Variants in VSTM2B observed in about 807,000 individuals in gnomAD.
VSTM2B encodes the protein V-set and transmembrane domain-containing protein 2B.
Under a neutral mutation model 24.0 loss-of-function variants are expected in VSTM2B, and 24 were observed. That is an observed-to-expected ratio of 1.00 (90% CI 0.72 to 1.40). The LOEUF is 1.40. Among genes scored for constraint, VSTM2B ranks in the 40% most tolerant of loss-of-function variants. VSTM2B has a pLI of 0.00. For synonymous variants in VSTM2B, 226 were observed against 194.4 expected (o/e 1.16, Z -1.35); for missense variants, 399 against 416.4 (o/e 0.96, Z 0.36).
intron 4 of VSTM2B, among the ~76,000 whole-genome samples, chr19:29,562,769 G>C (rs1257048916): frequency 2.0e-5 from 3 of 152,174 alleles, no homozygotes; most frequent in Admixed American, 2.0e-4. Context: ...AGTTGCACGG[G>C]AGGCCTTAAA....
At chr19:29,530,446 G>A (rs564287703) in intron 4 of VSTM2B, among the ~76,000 whole-genome samples, 156 bp downstream of exon 4, 6 of 152,322 alleles carry the variant, frequency 3.9e-5, no homozygotes, top group African/African-American at 1.4e-4. Flanking sequence ...CCCCCCCCAG[G>A]GCCTTCTTCC....
chr19:29,529,914 C>G lies in VSTM2B; in HGVS notation c.393C>G (p.Asp131Glu). Reference protein sequence around the residue: ...DEGVYECRVSDYSDDDTQEHK... With the variant: ...DEGVYECRVSEYSDDDTQEHK... The stretch of plus-strand genomic sequence containing the variant: ...GCGTGTACGAGTGCCGCGTGTCGGA[C>G]TACAGCGACGACGACACGCAGGAGC... Residue 131 changes from aspartate (D) to glutamate (E), a missense_variant, in exon 4 of 5, where the codon GAC (aspartate) becomes GAG (glutamate). Physicochemically the swap from Asp to Glu is conservative, Grantham distance 45. Transcript: ENST00000335523. 1 of 1,550,336 alleles carries G rather than the reference C, an allele frequency of 6.5e-7. No individual in the cohort carries two copies. Among genetic ancestry groups the G allele is most frequent in the Non-Finnish European group, 8.7e-7 (1 of 1,146,880 alleles).
At position 29,526,642 on chromosome 19, in the gene VSTM2B, C is replaced by T. The variant is rs1489283586; in HGVS notation, c.59C>T (p.Ala20Val). The T allele has an allele frequency of 6.5e-7, 1 of 1,530,060 alleles. No homozygotes were observed. The highest frequency in any genetic ancestry group is 2.0e-5 in the Admixed American group (1 of 50,496). 94.8% of individuals were successfully genotyped at this position (1,530,060 alleles called of 1,614,324 possible). A position where few individuals can be genotyped will look rare whatever the true frequency, so the allele number is the denominator to read the frequency against. ...LGYLPPLLLH[A>V]LLLFVADAAF... ...TACCTGCCGCCTCTGCTGCTGCATGCCCTGCTGCTCTTCGTGGCCGACGGT... is the reference window on the plus strand; with the variant it reads ...TACCTGCCGCCTCTGCTGCTGCATGTCCTGCTGCTCTTCGTGGCCGACGGT... Residue 20 changes from alanine to valine, a missense_variant, in exon 1 of 5, where the codon GCC (alanine) becomes GTC (valine). Coordinates refer to ENST00000335523, the MANE Select transcript of VSTM2B (RefSeq NM_001146339.2). This position sits in a 1 kb window ranked among gnomAD's most constrained non-coding sequence, Gnocchi z 4.1.
chr19:29,547,131 C>T (rs924245058), intron 4 of VSTM2B, among the ~76,000 whole-genome samples: 3 of 152,152 alleles, frequency 2.0e-5, no homozygotes, highest in Non-Finnish European at 2.9e-5. Context: ...TAGGACCCCC[C>T]GTTAAATTTG....
At chr19:29,533,004 A>G (rs1969796262) in intron 4 of VSTM2B, among the ~76,000 whole-genome samples, 1 of 151,836 alleles carries the variant, frequency 6.6e-6, no homozygotes, top group Admixed American at 6.6e-5. Context: ...CCAGCCACAG[A>G]TGACCTGACT....
intron 4 of VSTM2B, among the ~76,000 whole-genome samples, chr19:29,552,071 C>A (rs1458437086): frequency 6.6e-6 from 1 of 152,180 alleles, no homozygotes; most frequent in African/African-American, 2.4e-5. Flanking sequence ...GGGCAACATC[C>A]TTCACTTCTG....
chr19:29,530,008 G>C lies in VSTM2B; in HGVS notation c.487G>C (p.Val163Leu). ...GCCCAACATGCAGGCCGCCGAGGCCGTGTCCCACATCCAGAGCAGCGGCCC... is the reference window on the plus strand; with the variant it reads ...GCCCAACATGCAGGCCGCCGAGGCCCTGTCCCACATCCAGAGCAGCGGCCC... Reference protein sequence around the residue: ...APPNMQAAEAVSHIQSSGPRR... With the variant: ...APPNMQAAEALSHIQSSGPRR... Residue 163 changes from valine to leucine, a missense_variant, in exon 4 of 5, where the codon GTG (valine) becomes CTG (leucine). Physicochemically the swap from Val to Leu is conservative, Grantham distance 32. Transcript: ENST00000335523. 6.5e-7 allele frequency: 1 copy of C among 1,540,234 alleles called. No individual in the cohort carries two copies. The highest frequency in any genetic ancestry group is 8.7e-7 in the Non-Finnish European group (1 of 1,146,192).
intron 4 of VSTM2B, among the ~76,000 whole-genome samples, chr19:29,534,860 G>GA (rs1568439316): frequency 6.6e-6 from 1 of 152,140 alleles, no homozygotes; most frequent in Non-Finnish European, 1.5e-5. Context: ...AAGGAAGTCA[G>GA]AAAAAAAGTC....
chr19:29,546,939 G>A (rs1970171378), intron 4 of VSTM2B, among the ~76,000 whole-genome samples: 1 of 152,148 alleles, frequency 6.6e-6, no homozygotes, highest in Non-Finnish European at 1.5e-5. Context: ...AGTAGCCAGG[G>A]GCCAGGGTCA....
At chr19:29,561,780 G>A (rs562078000) in intron 4 of VSTM2B, among the ~76,000 whole-genome samples, 6 of 151,930 alleles carry the variant, frequency 3.9e-5, no homozygotes, top group Non-Finnish European at 7.3e-5. Flanking sequence ...ACCCAGGCAC[G>A]TGGGCATCCA....
At chr19:29,535,111 A>G (rs1373825339) in intron 4 of VSTM2B, among the ~76,000 whole-genome samples, 2 of 152,226 alleles carry the variant, frequency 1.3e-5, no homozygotes, top group Non-Finnish European at 1.5e-5. Context: ...CATGGACTGC[A>G]TTAGCAGAGC....
upstream of VSTM2B, among the ~76,000 whole-genome samples, chr19:29,525,984 C>T (rs932972573): frequency 6.6e-6 from 1 of 151,922 alleles, no homozygotes; most frequent in Non-Finnish European, 1.5e-5. Flanking sequence ...CCTCCCCTCC[C>T]CCTCTCCCCG....
At chr19:29,525,599 C>G (rs2145449396), upstream of VSTM2B, 1 of 152,556 alleles carries the variant, frequency 6.6e-6, no homozygotes, top group Non-Finnish European at 1.5e-5. Flanking sequence ...GGGCGCCCAC[C>G]CATCCGTCAT....
At chr19:29,544,109 A>G (rs1970087215) in intron 4 of VSTM2B, among the ~76,000 whole-genome samples, 1 of 149,380 alleles carries the variant, frequency 6.7e-6, no homozygotes, top group Non-Finnish European at 1.5e-5. Context: ...GTGTGTATAT[A>G]TATACCTATA....
chr19:29,549,815 C>G (rs1209887441), intron 4 of VSTM2B, among the ~76,000 whole-genome samples: 2 of 152,210 alleles, frequency 1.3e-5, no homozygotes, highest in African/African-American at 2.4e-5. Context: ...CCAGGAAGCT[C>G]GGAGACGGAG....
rs536668586 is a variant in VSTM2B, at chr19:29,526,148, G to A, written c.-436G>A. Among the ~76,000 whole-genome samples, 3 of 152,192 alleles carry A rather than the reference G, an allele frequency of 2.0e-5. No homozygotes were observed. Among genetic ancestry groups the A allele is most frequent in the South Asian group, 4.1e-4 (2 of 4,826 alleles). ...GGGGGCGGCTGCGGGAGCCGAAGGA[G>A]GTGGCAATCGGGAGCAGAACCAGAA... is the stretch of plus-strand genomic sequence containing the variant. On this transcript the variant is annotated 5_prime_UTR_variant, in exon 1 of 5. Coordinates refer to ENST00000335523, the MANE Select transcript of VSTM2B (RefSeq NM_001146339.2). The surrounding 1 kb of genome is among the most constrained non-coding windows in gnomAD (Gnocchi z 4.1).
intron 4 of VSTM2B, among the ~76,000 whole-genome samples, chr19:29,548,616 G>T (rs576900866): frequency 6.6e-6 from 1 of 152,222 alleles, no homozygotes; most frequent in African/African-American, 2.4e-5. Flanking sequence ...AGCGGGCTGG[G>T]CCAGTGCTGC....
At chr19:29,559,894 C>G (rs968590217) in intron 4 of VSTM2B, among the ~76,000 whole-genome samples, 1 of 152,168 alleles carries the variant, frequency 6.6e-6, no homozygotes, top group Non-Finnish European at 1.5e-5. Flanking sequence ...CCGTTTTTAG[C>G]TCAGGATTCT....
At position 29,546,138 on chromosome 19, in the gene VSTM2B, A is replaced by T. The variant is rs547425881; in HGVS notation, c.769+15848A>T. ...GGGCCTCTGAGATGGGCCAGAGAAG[A>T]TGGGTGAGCTTGAAAGAGCCAGAGA... On this transcript the variant is annotated intron_variant, in intron 4 of 4. Coordinates refer to ENST00000335523, the MANE Select transcript of VSTM2B (RefSeq NM_001146339.2). 2.2e-4 allele frequency among the ~76,000 whole-genome samples: 34 copies of T among 152,262 alleles called. No individual in the cohort carries two copies. The South Asian group carries it at 7.1e-3, about 32-fold the overall frequency.
Sources: allele counts gnomAD v4.1 joint callset (sites outside exome capture counted in the v4.1 genomes callset), GRCh38; gene constraint gnomAD v4.1.1; non-coding constraint Gnocchi (gnomAD v3.1); transcripts MANE v1.5; gene names NCBI Gene and HGNC (gene_info 2026-07-23, HGNC 2026-07-21).